Variants in SUCLG2 observed in about 807,000 individuals in gnomAD.
SUCLG2 encodes succinate-CoA ligase GDP-forming subunit beta.
SUCLG2 carries 42 observed loss-of-function variants against 47.9 expected under a neutral mutation model. The observed-to-expected ratio is 0.88, with a 90% CI of 0.69 to 1.14. SUCLG2 has a LOEUF of 1.14. Among genes scored for constraint, SUCLG2 ranks in the 50% most tolerant of loss-of-function variants. The pLI, the probability that SUCLG2 is intolerant of heterozygous loss-of-function variation, is 0.00. For synonymous variants in SUCLG2, 195 were observed against 197.3 expected (o/e 0.99, Z 0.10); for missense variants, 571 against 525.9 (o/e 1.09, Z -0.84).
chr3:67,592,297 A>G (rs966648220), intron 2 of SUCLG2, among the ~76,000 whole-genome samples: 9 of 152,242 alleles, frequency 5.9e-5, no homozygotes, highest in African/African-American at 2.2e-4. Flanking sequence ...ATCTGTGTTC[A>G]TCATTATCAC....
intron 2 of SUCLG2, among the ~76,000 whole-genome samples, chr3:67,533,236 T>C (rs1706448386): frequency 1.3e-5 from 2 of 152,222 alleles, no homozygotes; most frequent in South Asian, 4.1e-4. Context: ...GAGTCAACTA[T>C]TTGTGTTACT....
chr3:67,522,810 C>T (rs1007227282), intron 4 of SUCLG2, among the ~76,000 whole-genome samples: 1 of 150,776 alleles, frequency 6.6e-6, no homozygotes, highest in Non-Finnish European at 1.5e-5. Context: ...ACTACAGGTG[C>T]CCGCCACCAC....
At chr3:67,529,575 A>G (rs1213927910) in intron 2 of SUCLG2, among the ~76,000 whole-genome samples, 2 of 152,228 alleles carry the variant, frequency 1.3e-5, no homozygotes, top group African/African-American at 4.8e-5. Flanking sequence ...GGAGCTAACC[A>G]TCAGAGATGT....
rs889139535 is a variant in SUCLG2, at chr3:67,425,729, T to C, written c.1063-24878A>G. ...ACAGACAGCAGATTGTGGGATTCCT[T>C]GGCCTTCATGACTGTATGAGCCAAT... On this transcript the variant is annotated intron_variant, in intron 9 of 10. Transcript: ENST00000307227. Among the ~76,000 whole-genome samples the C allele has an allele frequency of 9.2e-5, 14 of 152,212 alleles. 1 individual carries two copies. The highest frequency in any genetic ancestry group is 2.1e-4 in the South Asian group (1 of 4,834).
intron 9 of SUCLG2, chr3:67,408,742 G>C: frequency 7.5e-7 from 1 of 1,331,164 alleles, no homozygotes; most frequent in Non-Finnish European, 9.6e-7. Flanking sequence ...GGTTTATTGA[G>C]TGTTAATTTT....
intron 2 of SUCLG2, among the ~76,000 whole-genome samples, chr3:67,605,889 G>A (rs1223553431): frequency 6.6e-6 from 1 of 151,612 alleles, no homozygotes; most frequent in Non-Finnish European, 1.5e-5. Flanking sequence ...ATGCAACATT[G>A]CTCATTCCTC....
intron 2 of SUCLG2, among the ~76,000 whole-genome samples, chr3:67,564,978 CTT>C (rs894881594): frequency 2.8e-5 from 4 of 144,644 alleles, no homozygotes; most frequent in African/African-American, 2.5e-5. Flanking sequence ...CTTCCCACTG[CTT>C]TTTTTTTTTT....
chr3:67,450,068 G>T (rs1381474295), intron 9 of SUCLG2, among the ~76,000 whole-genome samples: 1 of 151,740 alleles, frequency 6.6e-6, no homozygotes, highest in African/African-American at 2.4e-5. Context: ...TAGAGACAGG[G>T]TCTTGCTCTG....
intron 4 of SUCLG2, among the ~76,000 whole-genome samples, chr3:67,527,389 T>G (rs543350971): frequency 1.2e-4 from 19 of 152,348 alleles, no homozygotes; most frequent in African/African-American, 4.6e-4. Context: ...TAGCTATAGC[T>G]GTCTTGAAAT....
intron 10 of SUCLG2, among the ~76,000 whole-genome samples, chr3:67,369,578 G>T (rs1446441773): frequency 6.6e-6 from 1 of 152,218 alleles, no homozygotes; most frequent in East Asian, 1.9e-4. Flanking sequence ...GGGGAGGAAA[G>T]GAGAGGGTGG....
At chr3:67,469,556 C>T (rs547466288) in intron 9 of SUCLG2, among the ~76,000 whole-genome samples, 7 of 151,094 alleles carry the variant, frequency 4.6e-5, no homozygotes, top group African/African-American at 1.7e-4. Context: ...GGTGAAACCC[C>T]GTCTCTACTA....
rs1186615799 is a variant in SUCLG2 at position 67,476,089 on chromosome 3, A to G, written c.1062+19709T>C. Among the ~76,000 whole-genome samples, 13 of 151,928 alleles carry G rather than the reference A, an allele frequency of 8.6e-5. 1 individual carries two copies. The highest frequency in any genetic ancestry group is 7.9e-4 in the Admixed American group (12 of 15,230). ...TATGTGTAACTAATTTATAAACACAATGTTAACCTTTAATGTTTTATATGT... is the reference window on the plus strand; with the variant it reads ...TATGTGTAACTAATTTATAAACACAGTGTTAACCTTTAATGTTTTATATGT... On this transcript the variant is annotated intron_variant, in intron 9 of 10. Transcript: ENST00000307227.
At chr3:67,520,979 C>A (rs1344117424) in intron 4 of SUCLG2, among the ~76,000 whole-genome samples, 1 of 152,078 alleles carries the variant, frequency 6.6e-6, no homozygotes, top group Non-Finnish European at 1.5e-5. Context: ...ATTAACAGTA[C>A]ACATATATAT....
chr3:67,443,569 C>T lies in SUCLG2; in HGVS notation c.1063-42718G>A, dbSNP rs1308698671. Reference sequence around the variant, plus strand: ...GCTGCCCAGTCTGGAAAGTGAGGAGCGTCTCCGCCCGGCCGCCATCCCATC... The same window carrying T: ...GCTGCCCAGTCTGGAAAGTGAGGAGTGTCTCCGCCCGGCCGCCATCCCATC... On this transcript the variant is annotated intron_variant, in intron 9 of 10. Coordinates refer to ENST00000307227, the MANE Select transcript of SUCLG2 (RefSeq NM_003848.4). 1.7e-4 allele frequency among the ~76,000 whole-genome samples: 11 copies of T among 62,940 alleles called. 1 individual carries two copies. The highest frequency in any genetic ancestry group is 1.5e-3 in the Admixed American group (8 of 5,454). The allele number at this position is 62,940 out of a possible 152,430, so 41.3% of individuals were successfully genotyped here. A position where few individuals can be genotyped will look rare whatever the true frequency, so the allele number is the denominator to read the frequency against.
At chr3:67,643,482 T>C (rs1701138951) in intron 1 of SUCLG2, among the ~76,000 whole-genome samples, 2 of 152,238 alleles carry the variant, frequency 1.3e-5, no homozygotes, top group Non-Finnish European at 2.9e-5. Flanking sequence ...GTTTGCTTTA[T>C]GGTGAAACCA....
At chr3:67,452,258 G>A (rs2106938503) in intron 9 of SUCLG2, among the ~76,000 whole-genome samples, 1 of 152,262 alleles carries the variant, frequency 6.6e-6, no homozygotes, top group South Asian at 2.1e-4. Flanking sequence ...TTAACTTGGG[G>A]AATGAATAAA....
chr3:67,372,243 A>G (rs1333969772), downstream of SUCLG2, among the ~76,000 whole-genome samples: 1 of 152,226 alleles, frequency 6.6e-6, no homozygotes, highest in African/African-American at 2.4e-5. Context: ...TGATAGAATT[A>G]AACAAGAATC....
intron 10 of SUCLG2, among the ~76,000 whole-genome samples, chr3:67,393,705 G>C (rs576308677): frequency 5.7e-4 from 87 of 152,308 alleles, no homozygotes; most frequent in African/African-American, 1.9e-3. Flanking sequence ...ATCTGAGAAC[G>C]GGCAGACTGC....
chr3:67,378,037 C>T (rs886906522), intron 10 of SUCLG2, among the ~76,000 whole-genome samples: 11 of 152,276 alleles, frequency 7.2e-5, no homozygotes, highest in African/African-American at 2.2e-4. Flanking sequence ...ACCCACTCAC[C>T]CTCTTAGACC....
Sources: gnomAD v4.1 joint callset for allele counts (sites outside exome capture counted in the v4.1 genomes callset) on GRCh38, gnomAD v4.1.1 for gene constraint, MANE v1.5 for transcripts, NCBI Gene and HGNC (gene_info 2026-07-23, HGNC 2026-07-21) for gene names.